The following SLC39A8 variants were observed in gnomAD, a reference collection of about 807,000 sequenced individuals.
SLC39A8 encodes the protein solute carrier family 39 member 8.
A neutral mutation model predicts 40.4 loss-of-function variants in SLC39A8; 15 were observed. The observed-to-expected ratio is 0.37, with a 90% CI of 0.25 to 0.57. The LOEUF is 0.57. Ranked by LOEUF, SLC39A8 falls within the 20% of genes least tolerant of loss-of-function variation. SLC39A8 has a pLI of 0.75. For synonymous variants in SLC39A8, 223 were observed against 221.6 expected (o/e 1.01, Z -0.06); for missense variants, 472 against 558.8 (o/e 0.84, Z 1.57).
intron 2 of SLC39A8, among the ~76,000 whole-genome samples, chr4:102,324,640 C>A (rs1735119355): frequency 6.6e-6 from 1 of 152,198 alleles, no homozygotes; most frequent in African/African-American, 2.4e-5. Context: ...AGCACTACTG[C>A]ATGCCAGGTA....
chr4:102,273,027 C>T (rs1378027051), intron 6 of SLC39A8, among the ~76,000 whole-genome samples: 1 of 152,150 alleles, frequency 6.6e-6, no homozygotes, highest in Non-Finnish European at 1.5e-5. Context: ...GTTGTTTGGG[C>T]AGACACCAAG....
At chr4:102,288,759 G>A (rs1421860068) in intron 6 of SLC39A8, among the ~76,000 whole-genome samples, 1 of 152,130 alleles carries the variant, frequency 6.6e-6, no homozygotes, top group Non-Finnish European at 1.5e-5. Context: ...TAAAGTAGGA[G>A]CAAGCCCCTC....
chr4:102,295,463 G>T (rs541686508), intron 6 of SLC39A8, among the ~76,000 whole-genome samples: 3 of 152,188 alleles, frequency 2.0e-5, no homozygotes, highest in Non-Finnish European at 4.4e-5. Flanking sequence ...AAATAGTACA[G>T]ATTTTTGTAC....
chr4:102,264,455 G>A (rs1002977316), intron 8 of SLC39A8, among the ~76,000 whole-genome samples: 1 of 152,196 alleles, frequency 6.6e-6, no homozygotes, highest in African/African-American at 2.4e-5. Flanking sequence ...AGGCTGTGTT[G>A]TTCTATTTCT....
intron 2 of SLC39A8, among the ~76,000 whole-genome samples, chr4:102,320,423 A>ATATATATATGAGAATATATATATGAGAAT (rs1734899218): frequency 1.3e-5 from 1 of 74,758 alleles, no homozygotes; most frequent in Non-Finnish European, 2.6e-5. Context: ...TATATATGAG[A>ATATATATATGAGAATATATATATGAGAAT]ATATATATAT....
At chr4:102,286,129 A>G (rs1240840081) in intron 6 of SLC39A8, among the ~76,000 whole-genome samples, 2 of 152,212 alleles carry the variant, frequency 1.3e-5, no homozygotes, top group South Asian at 2.1e-4. Context: ...AGCTGATGTT[A>G]AAGACTGACC....
At chr4:102,319,132 G>C (rs1164137199) in intron 2 of SLC39A8, among the ~76,000 whole-genome samples, 3 of 152,196 alleles carry the variant, frequency 2.0e-5, no homozygotes, top group Admixed American at 2.0e-4. Flanking sequence ...AACCGTTTCA[G>C]CAAATAGTTA....
intron 3 of SLC39A8, among the ~76,000 whole-genome samples, chr4:102,309,565 C>A (rs1734335352): frequency 6.6e-6 from 1 of 152,102 alleles, no homozygotes; most frequent in Non-Finnish European, 1.5e-5. Context: ...CACAAACATA[C>A]TTCTATCCAT....
chr4:102,299,959 C>T (rs1432146208), intron 6 of SLC39A8, among the ~76,000 whole-genome samples: 1 of 152,058 alleles, frequency 6.6e-6, no homozygotes, highest in African/African-American at 2.4e-5. Context: ...TGACTCCACA[C>T]TTGGCTACAC....
Position 102,304,423 on chromosome 4 carries a change from G to T in SLC39A8, c.734C>A (p.Pro245His). 1 of 1,611,564 alleles carries T rather than the reference G, an allele frequency of 6.2e-7. No homozygotes were observed. Among genetic ancestry groups the T allele is most frequent in the South Asian group, 1.1e-5 (1 of 90,968 alleles). Residue 245 changes from proline (P) to histidine (H), a missense_variant, in exon 6 of 9, where the codon CCT becomes CAT. Transcript: ENST00000356736. Reference sequence around the variant, plus strand: ...ACCATTGATGGCAGGTAATGCTTTAGGTTGATGAGTTTTTTCTTGAGGACC... The same window carrying T: ...ACCATTGATGGCAGGTAATGCTTTATGTTGATGAGTTTTTTCTTGAGGACC... ...NFGPQEKTHQ[P>H]KALPAINGVT...
chr4:102,304,650 T>C (rs1160769223), intron 5 of SLC39A8, among the ~76,000 whole-genome samples, 169 bp from the exon 6 acceptor site: 1 of 151,962 alleles, frequency 6.6e-6, no homozygotes, highest in African/African-American at 2.4e-5. Context: ...ACATGTATTT[T>C]CATTTATTAG....
chr4:102,326,940 C>G (rs1464492747), intron 2 of SLC39A8, among the ~76,000 whole-genome samples: 1 of 152,140 alleles, frequency 6.6e-6, no homozygotes, highest in Non-Finnish European at 1.5e-5. Context: ...CAAACTGCAA[C>G]CCTTGCACAC....
chr4:102,332,947 A>G (rs1043732205), intron 2 of SLC39A8, among the ~76,000 whole-genome samples: 2 of 152,192 alleles, frequency 1.3e-5, no homozygotes, highest in African/African-American at 4.8e-5. Flanking sequence ...GTTCTCACTC[A>G]TAAGTGGGAA....
Position 102,262,680 on chromosome 4 carries a change from A to G in SLC39A8, c.*364T>C. The G allele has an allele frequency of 2.0e-6, 2 of 996,404 alleles. No homozygotes were observed. Among genetic ancestry groups the G allele is most frequent in the Non-Finnish European group, 2.4e-6 (2 of 837,298 alleles). The allele number at this position is 996,404 out of a possible 1,614,324, so 61.7% of individuals were successfully genotyped here. A position where few individuals can be genotyped will look rare whatever the true frequency, so the allele number is the denominator to read the frequency against. On this transcript the variant is annotated 3_prime_UTR_variant, in exon 9 of 9. Transcript: ENST00000356736. ...CCATTTGAATCTTTGATCCTACCAT[A>G]GAGTTTTAAAGGCTTTCAGGATATA... is the stretch of plus-strand genomic sequence containing the variant.
intron 6 of SLC39A8, among the ~76,000 whole-genome samples, chr4:102,294,282 C>T (rs551469995): frequency 7.9e-5 from 12 of 152,098 alleles, no homozygotes; most frequent in Admixed American, 7.2e-4. Flanking sequence ...ACCAGACCTT[C>T]GACTTCTGTG....
chr4:102,266,151 C>T (rs1214821148), intron 8 of SLC39A8, among the ~76,000 whole-genome samples: 1 of 151,840 alleles, frequency 6.6e-6, no homozygotes, highest in African/African-American at 2.4e-5. Context: ...TTAAGGATCC[C>T]CTCTTTCTAG....
At chr4:102,282,937 G>A (rs921821389) in intron 6 of SLC39A8, among the ~76,000 whole-genome samples, 1 of 152,008 alleles carries the variant, frequency 6.6e-6, no homozygotes. Flanking sequence ...CGTGTTAGCC[G>A]GGATGGTCTC....
chr4:102,270,074 C>T (rs551228340), intron 6 of SLC39A8, among the ~76,000 whole-genome samples: 41 of 152,058 alleles, frequency 2.7e-4, no homozygotes, highest in Non-Finnish European at 5.1e-4. Flanking sequence ...AACTTAATGC[C>T]GTGATATACT....
intron 6 of SLC39A8, among the ~76,000 whole-genome samples, chr4:102,284,933 G>A (rs10489122): frequency 0.3 from 45,305 of 151,850 alleles, 7,354 homozygotes; most frequent in East Asian, 0.41. Flanking sequence ...TAAGACCAGA[G>A]GCCGGAATGT....
Sources: gnomAD v4.1 joint callset for allele counts (sites outside exome capture counted in the v4.1 genomes callset) on GRCh38, gnomAD v4.1.1 for gene constraint, MANE v1.5 for transcripts, NCBI Gene and HGNC (gene_info 2026-07-23, HGNC 2026-07-21) for gene names.